Variants in OPCML observed in about 807,000 individuals in gnomAD.
OPCML encodes the protein opioid binding protein/cell adhesion molecule like, also known as opioid-binding protein/cell adhesion molecule.
OPCML carries 13 observed loss-of-function variants against 37.8 expected under a neutral mutation model. The observed-to-expected ratio is 0.34, with a 90% CI of 0.22 to 0.55. OPCML has a LOEUF of 0.55. OPCML is among the 20% of genes least tolerant of loss of function. The pLI, the probability that OPCML is intolerant of heterozygous loss-of-function variation, is 0.91. For synonymous variants in OPCML, 176 were observed against 168.8 expected (o/e 1.04, Z -0.33); for missense variants, 341 against 435.6 (o/e 0.78, Z 1.93).
intron 2 of OPCML, among the ~76,000 whole-genome samples, chr11:132,803,584 A>G (rs1938816409): frequency 6.6e-6 from 1 of 152,180 alleles, no homozygotes; most frequent in Admixed American, 6.5e-5. Flanking sequence ...CAAACTCACT[A>G]TGATTCAACT....
intron 4 of OPCML, among the ~76,000 whole-genome samples, chr11:132,440,332 G>C (rs954436793): frequency 5.9e-5 from 9 of 151,470 alleles, no homozygotes; most frequent in African/African-American, 2.0e-4. Context: ...AAATTCTTTA[G>C]AGTTTTTTTT....
chr11:133,092,564 A>G (rs1360993740), intron 1 of OPCML, among the ~76,000 whole-genome samples: 4 of 152,068 alleles, frequency 2.6e-5, no homozygotes, highest in Non-Finnish European at 5.9e-5. Context: ...TGTCTCTACT[A>G]AAAATACAAA....
intron 1 of OPCML, among the ~76,000 whole-genome samples, chr11:133,489,683 G>T (rs114565924): frequency 0.023 from 3,464 of 151,960 alleles, 137 homozygotes; most frequent in African/African-American, 0.079. Context: ...CCCACTACTG[G>T]CTATCTACCC....
chr11:132,703,578 G>T (rs981429698), intron 2 of OPCML, among the ~76,000 whole-genome samples: 3 of 152,176 alleles, frequency 2.0e-5, no homozygotes, highest in African/African-American at 7.2e-5. Flanking sequence ...TGGGCTGGTT[G>T]GTAGGGTCTA....
At chr11:132,469,719 T>C (rs574868888) in intron 4 of OPCML, among the ~76,000 whole-genome samples, 12 of 122,738 alleles carry the variant, frequency 9.8e-5, no homozygotes, top group African/African-American at 3.9e-4. Context: ...TGGAGGGGAG[T>C]GAGTGTGTGT....
intron 2 of OPCML, among the ~76,000 whole-genome samples, chr11:132,899,737 G>A (rs958752851): frequency 4.6e-5 from 7 of 152,092 alleles, no homozygotes; most frequent in African/African-American, 1.2e-4. Flanking sequence ...AAGTGGACTC[G>A]GTGGGGAAGA....
intron 1 of OPCML, chr11:133,005,936 C>G: frequency 8.1e-6 from 8 of 985,382 alleles, no homozygotes; most frequent in Non-Finnish European, 9.6e-6. Flanking sequence ...TAAATTTAGG[C>G]TCATGGATGT....
intron 3 of OPCML, among the ~76,000 whole-genome samples, chr11:132,608,000 G>A (rs1938411676): frequency 6.6e-6 from 1 of 152,178 alleles, no homozygotes; most frequent in South Asian, 2.1e-4. Flanking sequence ...ACATCTAGAG[G>A]AAAATAATTT....
At chr11:132,937,032 T>C (rs1945400588) in intron 2 of OPCML, among the ~76,000 whole-genome samples, 1 of 152,192 alleles carries the variant, frequency 6.6e-6, no homozygotes, top group Non-Finnish European at 1.5e-5. Flanking sequence ...GCCCTAAAGA[T>C]ATCTTGGACT....
intron 1 of OPCML, among the ~76,000 whole-genome samples, chr11:133,043,972 A>G (rs12292966): frequency 0.057 from 8,716 of 152,314 alleles, 343 homozygotes; most frequent in Non-Finnish European, 0.088. Flanking sequence ...GGCACAGCAG[A>G]CAATAACTGT....
chr11:133,028,524 C>CGTGT (rs10541354), intron 1 of OPCML, among the ~76,000 whole-genome samples: 18 of 147,234 alleles, frequency 1.2e-4, no homozygotes, highest in South Asian at 4.4e-4. Context: ...TGATAAGGAG[C>CGTGT]GTGTGTGTGT....
At chr11:132,700,700 A>C (rs1943772123) in intron 2 of OPCML, among the ~76,000 whole-genome samples, 2 of 152,150 alleles carry the variant, frequency 1.3e-5, no homozygotes, top group South Asian at 4.1e-4. Flanking sequence ...TTGTGGTTGA[A>C]CATATAATCT....
chr11:133,009,258 C>T (rs1333182533), intron 1 of OPCML: 1 of 984,250 alleles, frequency 1.0e-6, no homozygotes, highest in African/African-American at 1.7e-5. Flanking sequence ...GACATAAATA[C>T]TTGCTTGTTA....
At chr11:132,725,878 G>C (rs997724760) in intron 2 of OPCML, among the ~76,000 whole-genome samples, 1 of 151,864 alleles carries the variant, frequency 6.6e-6, no homozygotes, top group Non-Finnish European at 1.5e-5. Flanking sequence ...GGGGCAAAAT[G>C]CTACCAGTCT....
At chr11:133,376,016 A>C (rs112192525) in intron 1 of OPCML, among the ~76,000 whole-genome samples, 3,920 of 152,272 alleles carry the variant, frequency 0.026, 96 homozygotes, top group African/African-American at 0.07. Context: ...ATTCACTGAA[A>C]CTTTGCCAGG....
At chr11:133,030,826 C>T (rs533189805) in intron 1 of OPCML, among the ~76,000 whole-genome samples, 1 of 152,210 alleles carries the variant, frequency 6.6e-6, no homozygotes, top group South Asian at 2.1e-4. Flanking sequence ...GAATTTCACC[C>T]TACCAAGAAG....
chr11:133,093,604 T>C (rs971785712), intron 1 of OPCML, among the ~76,000 whole-genome samples: 2 of 152,148 alleles, frequency 1.3e-5, no homozygotes, highest in Non-Finnish European at 1.5e-5. Context: ...TTCAAGCCCA[T>C]ATTGGTCTGT....
intron 1 of OPCML, among the ~76,000 whole-genome samples, chr11:133,449,423 T>C (rs191207015): frequency 1.3e-5 from 2 of 152,316 alleles, no homozygotes; most frequent in Non-Finnish European, 2.9e-5. Context: ...CTTTGACTGG[T>C]GGGCCTTAGT....
intron 1 of OPCML, among the ~76,000 whole-genome samples, chr11:133,377,774 T>A (rs189224042): frequency 6.6e-6 from 1 of 152,266 alleles, no homozygotes; most frequent in African/African-American, 2.4e-5. Flanking sequence ...TTCTCCTCAC[T>A]AAATTATCTC....
Sources: allele counts gnomAD v4.1 joint callset (sites outside exome capture counted in the v4.1 genomes callset), GRCh38; gene constraint gnomAD v4.1.1; transcripts MANE v1.5; gene names NCBI Gene and HGNC (gene_info 2026-07-23, HGNC 2026-07-21).